Variants in DPP6 observed in about 807,000 individuals in gnomAD.
DPP6 encodes the protein A-type potassium channel modulatory protein DPP6.
DPP6 carries 69 observed loss-of-function variants against 122.6 expected under a neutral mutation model. The observed-to-expected ratio is 0.56, with a 90% CI of 0.46 to 0.69. The LOEUF (loss-of-function observed/expected upper bound fraction) is 0.69, where lower values mean the gene tolerates loss of function less well. Among genes scored for constraint, DPP6 ranks in the 30% least tolerant of loss-of-function variants. The pLI, the probability that DPP6 is intolerant of heterozygous loss-of-function variation, is 0.00. For missense variants in DPP6, 928 were observed against 1,116.9 expected, an observed-to-expected ratio of 0.83 and a Z score of 2.41; for synonymous variants, 418 against 433.1, an observed-to-expected ratio of 0.97 and a Z score of 0.43.
chr7:154,675,604 C>G (rs548973703), intron 7 of DPP6, among the ~76,000 whole-genome samples: 1 of 152,308 alleles, frequency 6.6e-6, no homozygotes, highest in African/African-American at 2.4e-5. Context: ...TTTACGGATT[C>G]AATCAACTCT....
intron 8 of DPP6, among the ~76,000 whole-genome samples, chr7:154,733,523 A>T (rs537333627): frequency 6.6e-6 from 1 of 152,336 alleles, no homozygotes; most frequent in East Asian, 1.9e-4. Flanking sequence ...TGTTCCAATG[A>T]AGTGCTCTAA....
At chr7:154,027,333 T>G (rs1051621363) in intron 1 of DPP6, among the ~76,000 whole-genome samples, 1 of 152,226 alleles carries the variant, frequency 6.6e-6, no homozygotes, top group African/African-American at 2.4e-5. Context: ...CTTACTTGAT[T>G]CTTCAGAGTT....
At chr7:154,704,918 T>C (rs1228076510) in intron 7 of DPP6, among the ~76,000 whole-genome samples, 2 of 152,164 alleles carry the variant, frequency 1.3e-5, no homozygotes, top group Non-Finnish European at 2.9e-5. Context: ...GTTTTTATCT[T>C]TGAGATAGAG....
chr7:154,744,938 C>T (rs113146569), intron 8 of DPP6, among the ~76,000 whole-genome samples: 5,139 of 152,268 alleles, frequency 0.034, 134 homozygotes, highest in Middle Eastern at 0.054. Flanking sequence ...TGATCCGAAA[C>T]GCGACCTTGC....
chr7:154,062,297 C>CT (rs1388708389), intron 1 of DPP6, among the ~76,000 whole-genome samples: 1 of 79,970 alleles, frequency 1.3e-5, no homozygotes, highest in Non-Finnish European at 2.5e-5. Flanking sequence ...CCTCTTCCCC[C>CT]CCGGCTCTGA....
chr7:154,746,753 A>T (rs1373799036), intron 8 of DPP6, among the ~76,000 whole-genome samples: 1 of 152,206 alleles, frequency 6.6e-6, no homozygotes, highest in East Asian at 1.9e-4. Context: ...AGAAGCTGAG[A>T]TTTCCTGCCA....
chr7:154,855,857 TTGAG>T (rs1014233048), intron 17 of DPP6, among the ~76,000 whole-genome samples: 6 of 152,202 alleles, frequency 3.9e-5, no homozygotes, highest in African/African-American at 1.4e-4. Flanking sequence ...TATTTTCATT[TTGAG>T]TATTTGATAA....
intron 7 of DPP6, among the ~76,000 whole-genome samples, chr7:154,683,507 C>T (rs1839411910): frequency 6.6e-6 from 1 of 152,164 alleles, no homozygotes; most frequent in South Asian, 2.1e-4. Flanking sequence ...CCCACCATCA[C>T]CTCATGCCTA....
In DPP6 at chr7:154,443,325, C is replaced by G. The variant is rs191432831; in HGVS notation, c.244-2889C>G. Among the ~76,000 whole-genome samples, 101 of 152,048 alleles carry G rather than the reference C, an allele frequency of 6.6e-4. No individual in the cohort carries two copies. The East Asian group carries it at 0.014, about 22-fold the overall frequency. Reference sequence around the variant, plus strand: ...TCTGCTTATTGTTTGTCCCTTCCCCCATTCCTGCACTAGATTACAAGAAAA... The same window carrying G: ...TCTGCTTATTGTTTGTCCCTTCCCCGATTCCTGCACTAGATTACAAGAAAA... On this transcript the variant is annotated intron_variant, in intron 1 of 25. Coordinates refer to ENST00000377770, the MANE Select transcript of DPP6 (RefSeq NM_130797.4).
the DPP6 span, among the ~76,000 whole-genome samples, chr7:153,755,119 ACT>A: frequency 1.3e-5 from 2 of 150,684 alleles, no homozygotes; most frequent in South Asian, 4.2e-4. Context: ...TGTTGTGGAA[ACT>A]CTGCATTCTG....
At chr7:153,795,852 T>C in the DPP6 span, among the ~76,000 whole-genome samples, 10 of 149,680 alleles carry the variant, frequency 6.7e-5, no homozygotes, top group Non-Finnish European at 8.9e-5. Context: ...TTGATTGCAT[T>C]TTTTGTTTCT....
At chr7:154,120,057 C>A (rs1807323028) in intron 1 of DPP6, among the ~76,000 whole-genome samples, 1 of 152,142 alleles carries the variant, frequency 6.6e-6, no homozygotes, top group South Asian at 2.1e-4. Context: ...GGTTGTTACT[C>A]TATAATATTC....
intron 16 of DPP6, among the ~76,000 whole-genome samples, chr7:154,824,279 TG>T (rs1208053527): frequency 1.7e-4 from 26 of 152,120 alleles, no homozygotes; most frequent in Non-Finnish European, 3.8e-4. Flanking sequence ...TTTGTTTGTT[TG>T]TTTGTTTGTT....
intron 1 of DPP6, among the ~76,000 whole-genome samples, chr7:154,194,568 C>A (rs1798771146): frequency 6.6e-6 from 1 of 152,168 alleles, no homozygotes; most frequent in East Asian, 1.9e-4. Context: ...CCAGAGATGC[C>A]CTTTCTGCCA....
At chr7:153,773,826 G>A in the DPP6 span, among the ~76,000 whole-genome samples, 1 of 143,022 alleles carries the variant, frequency 7.0e-6, no homozygotes, top group African/African-American at 2.6e-5. Flanking sequence ...CCCAAGGCAA[G>A]CAGAAGGAAA....
chr7:154,040,615 A>G (rs1405980403), intron 1 of DPP6, among the ~76,000 whole-genome samples: 1 of 151,260 alleles, frequency 6.6e-6, no homozygotes, highest in African/African-American at 2.5e-5. Flanking sequence ...ACACTCATCA[A>G]ATCATGTTGC....
At chr7:154,455,220 C>T (rs1037463238) in intron 2 of DPP6, among the ~76,000 whole-genome samples, 5 of 152,138 alleles carry the variant, frequency 3.3e-5, no homozygotes, top group East Asian at 1.9e-4. Context: ...TAGTTCCTTT[C>T]GGTTCCCCGG....
chr7:153,998,495 A>C (rs1390347761), intron 1 of DPP6, among the ~76,000 whole-genome samples: 1 of 152,114 alleles, frequency 6.6e-6, no homozygotes, highest in East Asian at 1.9e-4. Context: ...AAAGCTCAGA[A>C]TCTTCAGGAC....
At chr7:154,381,522 G>T (rs1443768426) in intron 1 of DPP6, among the ~76,000 whole-genome samples, 1 of 152,146 alleles carries the variant, frequency 6.6e-6, no homozygotes, top group Admixed American at 6.5e-5. Context: ...TATAATGTAT[G>T]ACAAAAGTTT....
Sources: gnomAD v4.1 joint callset for allele counts (sites outside exome capture counted in the v4.1 genomes callset) on GRCh38, gnomAD v4.1.1 for gene constraint, MANE v1.5 for transcripts, NCBI Gene and HGNC (gene_info 2026-07-23, HGNC 2026-07-21) for gene names.